The following CBLB variants were observed in gnomAD, a reference collection of about 807,000 sequenced individuals.
The protein encoded by CBLB is E3 ubiquitin-protein ligase CBL-B.
CBLB carries 31 observed loss-of-function variants against 104.9 expected under a neutral mutation model. The ratio of observed to expected loss-of-function variants is 0.30; its 90% confidence interval spans 0.22 to 0.40. The LOEUF (loss-of-function observed/expected upper bound fraction) is 0.40. CBLB is among the 10% of genes least tolerant of loss of function. The pLI, the probability that CBLB is intolerant of heterozygous loss-of-function variation, is 1.00. For synonymous variants in CBLB, 440 were observed against 422.6 expected (o/e 1.04, Z -0.51); for missense variants, 1,062 against 1,214.6 (o/e 0.87, Z 1.87).
At chr3:105,817,080 G>GA (rs1577462100) in intron 3 of CBLB, among the ~76,000 whole-genome samples, 1 of 152,224 alleles carries the variant, frequency 6.6e-6, no homozygotes, top group East Asian at 1.9e-4. Flanking sequence ...ATGAAGGCAT[G>GA]AAAATGAGAA....
intron 4 of CBLB, among the ~76,000 whole-genome samples, chr3:105,768,782 G>GT (rs2078512358): frequency 6.6e-6 from 1 of 152,118 alleles, no homozygotes. Flanking sequence ...CATAGATCAC[G>GT]TAGAAGGGTG....
Position 105,727,989 on chromosome 3 carries a change from T to C in CBLB, c.1203+6020A>G, listed in dbSNP as rs184723496. ...AGTCAGGTAGCGTGATGCCTCCAGC[T>C]TTTTTCTTTTTGCTTAGGATTGTCT... is the stretch of plus-strand genomic sequence containing the variant. On this transcript the variant is annotated intron_variant, in intron 9 of 18. Transcript: ENST00000394030. 2.2e-3 allele frequency among the ~76,000 whole-genome samples: 338 copies of C among 152,330 alleles called. 2 individuals are homozygous for C. Among genetic ancestry groups the C allele is most frequent in the African/African-American group, 7.9e-3 (328 of 41,574 alleles).
At chr3:105,764,935 C>T (rs1173827064) in intron 4 of CBLB, among the ~76,000 whole-genome samples, 1 of 152,196 alleles carries the variant, frequency 6.6e-6, no homozygotes, top group Non-Finnish European at 1.5e-5. Flanking sequence ...AACAAGGCCC[C>T]AACTCGCTTC....
chr3:105,751,701 A>G (rs2076607028), intron 4 of CBLB, 83 bp from the exon 5 acceptor site: 1 of 936,662 alleles, frequency 1.1e-6, no homozygotes, highest in African/African-American at 1.6e-5. Flanking sequence ...AAAATTCAAT[A>G]ATAAAATTAA....
Position 105,719,803 on chromosome 3 carries a change from G to A in CBLB, c.1407+244C>T, listed in dbSNP as rs559897468. Reference sequence around the variant, plus strand: ...TTCAGGAGGTATTCTAGAAGAAGGCGTTGTTATCATAGGAGATGACAGCTC... The same window carrying A: ...TTCAGGAGGTATTCTAGAAGAAGGCATTGTTATCATAGGAGATGACAGCTC... On this transcript the variant is annotated intron_variant, in intron 10 of 18. Transcript: ENST00000394030. Among the ~76,000 whole-genome samples, 6 of 152,258 alleles carry A rather than the reference G, an allele frequency of 3.9e-5. No individual in the cohort carries two copies. In the East Asian group the frequency reaches 5.8e-4, roughly 15 times the overall value.
intron 3 of CBLB, among the ~76,000 whole-genome samples, chr3:105,818,556 TTTACG>T (rs1397831665): frequency 1.3e-5 from 2 of 152,228 alleles, no homozygotes; most frequent in South Asian, 2.1e-4. Context: ...GGCAACTTAA[TTTACG>T]TTAAAAACTC....
At chr3:105,755,604 A>G (rs1173496738) in intron 4 of CBLB, among the ~76,000 whole-genome samples, 1 of 152,228 alleles carries the variant, frequency 6.6e-6, no homozygotes, top group Non-Finnish European at 1.5e-5. Context: ...AACATTTCAT[A>G]CAACAAAGGG....
intron 3 of CBLB, among the ~76,000 whole-genome samples, chr3:105,811,536 T>C (rs1054970796): frequency 5.3e-5 from 8 of 152,192 alleles, no homozygotes; most frequent in African/African-American, 1.9e-4. Flanking sequence ...ATGAGCTCTG[T>C]GGATGACAGT....
intron 13 of CBLB, among the ~76,000 whole-genome samples, chr3:105,686,483 C>A (rs1020959804): frequency 6.6e-6 from 1 of 151,394 alleles, no homozygotes; most frequent in Non-Finnish European, 1.5e-5. Context: ...TAAGTGACTG[C>A]AATTTTGCAG....
At chr3:105,742,884 C>G (rs74984353) in intron 6 of CBLB, among the ~76,000 whole-genome samples, 1 of 150,592 alleles carries the variant, frequency 6.6e-6, no homozygotes, top group African/African-American at 2.4e-5. Context: ...ATTTTTAATT[C>G]ATGTCCTTCT....
intron 10 of CBLB, among the ~76,000 whole-genome samples, chr3:105,706,415 CTCT>C (rs2070145841): frequency 6.6e-6 from 1 of 152,050 alleles, no homozygotes; most frequent in Admixed American, 6.6e-5. Context: ...AATAAAGAAT[CTCT>C]ATAGTCACAA....
chr3:105,787,660 T>A (rs1217057427), intron 3 of CBLB, among the ~76,000 whole-genome samples: 1 of 152,216 alleles, frequency 6.6e-6, no homozygotes, highest in African/African-American at 2.4e-5. Flanking sequence ...TTCCTCAATA[T>A]GCCTCAGTCT....
At chr3:105,836,619 A>G (rs1335001288) in intron 3 of CBLB, among the ~76,000 whole-genome samples, 1 of 152,204 alleles carries the variant, frequency 6.6e-6, no homozygotes, top group East Asian at 1.9e-4. Context: ...CCTGAGAAAT[A>G]GGGCAAATAT....
intron 3 of CBLB, among the ~76,000 whole-genome samples, chr3:105,826,895 A>G (rs1170553836): frequency 6.6e-6 from 1 of 152,218 alleles, no homozygotes; most frequent in African/African-American, 2.4e-5. Context: ...TAAAAAATAA[A>G]TGAATCCCAG....
At chr3:105,834,164 A>G (rs1339971768) in intron 3 of CBLB, among the ~76,000 whole-genome samples, 1 of 55,158 alleles carries the variant, frequency 1.8e-5, no homozygotes, top group African/African-American at 5.5e-5. Flanking sequence ...CGGAGACATA[A>G]GTTCAAGAGG....
rs556539317 is a variant in CBLB, at chr3:105,689,253, G to A, written c.2055-3787C>T. 7.2e-5 allele frequency among the ~76,000 whole-genome samples: 11 copies of A among 151,940 alleles called. No individual in the cohort carries two copies. In the South Asian group the frequency reaches 2.3e-3, roughly 32 times the overall value. ...AAGTAAAGCAACTGAATGAAAACAG[G>A]ACAGTTAGGTGAAATTTGTATTCTC... is the stretch of plus-strand genomic sequence containing the variant. On this transcript the variant is annotated intron_variant, in intron 13 of 18. Transcript: ENST00000394030.
intron 3 of CBLB, among the ~76,000 whole-genome samples, chr3:105,820,410 A>G (rs2085675868): frequency 6.6e-6 from 1 of 152,322 alleles, no homozygotes; most frequent in African/African-American, 2.4e-5. Flanking sequence ...CAGCTAGCAG[A>G]AAGAATTTAA....
chr3:105,680,830 G>A (rs1295984293), intron 16 of CBLB, among the ~76,000 whole-genome samples: 1 of 152,164 alleles, frequency 6.6e-6, no homozygotes, highest in Non-Finnish European at 1.5e-5. Flanking sequence ...TAAAAACAGG[G>A]TGAGATGCTT....
chr3:105,707,951 T>A (rs1338040952), intron 10 of CBLB, among the ~76,000 whole-genome samples: 3 of 152,164 alleles, frequency 2.0e-5, no homozygotes, highest in Non-Finnish European at 2.9e-5. Context: ...CTGCATTTTT[T>A]ATTTTTATTT....
Sources: allele counts gnomAD v4.1 joint callset (sites outside exome capture counted in the v4.1 genomes callset), GRCh38; gene constraint gnomAD v4.1.1; transcripts MANE v1.5; gene names NCBI Gene and HGNC (gene_info 2026-07-23, HGNC 2026-07-21).